IPO7: variants seen among roughly 807,000 people sequenced by gnomAD.
The protein encoded by IPO7 is importin 7.
A neutral mutation model predicts 136.4 loss-of-function variants in IPO7; 13 were observed. The observed-to-expected ratio is 0.10, with a 90% CI of 0.06 to 0.15. IPO7 has a LOEUF of 0.15. Ranked by LOEUF, IPO7 falls within the 10% of genes least tolerant of loss-of-function variation. IPO7 has a pLI of 1.00. For synonymous variants in IPO7, 403 were observed against 404.4 expected (o/e 1.00, Z 0.04); for missense variants, 857 against 1,240.6 (o/e 0.69, Z 4.65).
In IPO7 at chr11:9,387,793, T is replaced by C. The variant is rs182699481; in HGVS notation, c.84+2946T>C. ...TTGCGGTGAGCTGAGATCGTGCCAC[T>C]GCACTCCAGCCTGGGCAACAGAGTG... On this transcript the variant is annotated intron_variant, in intron 1 of 24. Coordinates refer to ENST00000379719, the MANE Select transcript of IPO7 (RefSeq NM_006391.3). 4.4e-3 allele frequency among the ~76,000 whole-genome samples: 670 copies of C among 151,536 alleles called. 7 individuals are homozygous for C. Among genetic ancestry groups the C allele is most frequent in the African/African-American group, 0.016 (641 of 41,282 alleles).
At chr11:9,420,322 G>T (rs1289993614) in intron 6 of IPO7, 89 bp from the exon 7 acceptor site, 5 of 797,164 alleles carry the variant, frequency 6.3e-6, no homozygotes, top group African/African-American at 1.8e-5. Flanking sequence ...CATTAGTGAA[G>T]CATTCACATT....
chr11:9,384,740 G>C lies in IPO7; in HGVS notation c.-24G>C. 5.1e-6 allele frequency: 8 copies of C among 1,572,112 alleles called. No homozygotes were observed. Among genetic ancestry groups the C allele is most frequent in the Non-Finnish European group, 6.9e-6 (8 of 1,157,184 alleles). On this transcript the variant is annotated 5_prime_UTR_variant, in exon 1 of 25. Transcript: ENST00000379719. ...CCTGGCCCAGTAGCACCCGAGCCCC[G>C]GGTTTGACCGAGTCCGCGCTGCGAT... is the stretch of plus-strand genomic sequence containing the variant.
At chr11:9,412,888 GA>G (rs1379724610) in intron 4 of IPO7, among the ~76,000 whole-genome samples, 1 of 141,448 alleles carries the variant, frequency 7.1e-6, no homozygotes, top group East Asian at 2.0e-4. Context: ...TTGATTGATT[GA>G]TTTTTTTTTT....
chr11:9,440,339 G>A, intron 22 of IPO7, 116 bp from the exon 23 acceptor site: 1 of 803,418 alleles, frequency 1.2e-6, no homozygotes, highest in Admixed American at 2.3e-5. Context: ...AATTCCTGGA[G>A]CTCTCTCTTG....
chr11:9,445,069 C>A (rs1190462094), intron 24 of IPO7, 28 bp from the exon 25 acceptor site: 14 of 1,351,138 alleles, frequency 1.0e-5, no homozygotes, highest in Non-Finnish European at 1.5e-5. Flanking sequence ...TGATTGAATG[C>A]CCTACTAAAA....
chr11:9,423,892 G>A lies in IPO7; in HGVS notation c.1141+16G>A, dbSNP rs758758982. 1.4e-5 allele frequency: 21 copies of A among 1,497,244 alleles called. No homozygotes were observed. Among genetic ancestry groups the A allele is most frequent in the South Asian group, 4.6e-5 (4 of 86,588 alleles). 92.7% of individuals were successfully genotyped at this position (1,497,244 alleles called of 1,614,324 possible). A position where few individuals can be genotyped will look rare whatever the true frequency, so the allele number is the denominator to read the frequency against. On this transcript the variant is annotated intron_variant, in intron 10 of 24. Coordinates refer to ENST00000379719, the MANE Select transcript of IPO7 (RefSeq NM_006391.3). ...ATGAAGTTTGGTAAGGAATTTTCAC[G>A]TTTTTAGAAACAAAAAATGTCAGTA...
chr11:9,420,622 G>C lies in IPO7; in HGVS notation c.830G>C (p.Ser277Thr). The change falls in exon 8 of 25, where the codon AGC becomes ACC. Residue 277 changes from serine to threonine, a missense_variant. By Grantham distance (58) the Ser-to-Thr change is moderately conservative. Transcript: ENST00000379719. The part of the protein sequence containing the change: ...ILARLFERYG[S>T]PGNVSKEYNE... Reference sequence around the variant, plus strand: ...TTTTGATGTTCTTTTAGATATGGAAGCCCTGGCAATGTTTCCAAGGAGTAT... The same window carrying C: ...TTTTGATGTTCTTTTAGATATGGAACCCCTGGCAATGTTTCCAAGGAGTAT... 1 of 1,611,234 alleles carries C rather than the reference G, an allele frequency of 6.2e-7. No homozygotes were observed. The highest frequency in any genetic ancestry group is 8.5e-7 in the Non-Finnish European group (1 of 1,177,578).
At chr11:9,390,633 A>T (rs1830233921) in intron 1 of IPO7, among the ~76,000 whole-genome samples, 1 of 152,214 alleles carries the variant, frequency 6.6e-6, no homozygotes, top group South Asian at 2.1e-4. Context: ...ATAGCAAGTT[A>T]TTCAATGATA....
At chr11:9,442,520 T>C (rs932457017) in intron 24 of IPO7, among the ~76,000 whole-genome samples, 4 of 152,012 alleles carry the variant, frequency 2.6e-5, no homozygotes, top group Admixed American at 1.3e-4. Context: ...TTCATGCCAT[T>C]CTCCTGCCTC....
intron 1 of IPO7, among the ~76,000 whole-genome samples, chr11:9,390,471 G>A (rs1392230985): frequency 1.3e-5 from 2 of 152,122 alleles, no homozygotes; most frequent in Non-Finnish European, 2.9e-5. Context: ...TGGCATATTT[G>A]TAAGATAATT....
At chr11:9,390,269 T>C (rs1854610445) in intron 1 of IPO7, among the ~76,000 whole-genome samples, 1 of 151,848 alleles carries the variant, frequency 6.6e-6, no homozygotes, top group South Asian at 2.1e-4. Context: ...TTTTGGTAAG[T>C]TTCTTGATAT....
chr11:9,442,206 A>C lies in IPO7; in HGVS notation c.3019+9A>C. ...AAGAAGAGCAGCCCATGGTATGTTA[A>C]TTAACTGTAACTCCTCTTTAATTAG... On this transcript the variant is annotated intron_variant, in intron 24 of 24. Coordinates refer to ENST00000379719, the MANE Select transcript of IPO7 (RefSeq NM_006391.3). The C allele has an allele frequency of 7.9e-7, 1 of 1,262,006 alleles. No individual in the cohort carries two copies. Among genetic ancestry groups the C allele is most frequent in the Non-Finnish European group, 1.2e-6 (1 of 866,220 alleles). The allele number at this position is 1,262,006 out of a possible 1,614,324, so 78.2% of individuals were successfully genotyped here.
chr11:9,401,553 CA>C (rs1854796344), intron 1 of IPO7, among the ~76,000 whole-genome samples: 1 of 70,174 alleles, frequency 1.4e-5, no homozygotes, highest in East Asian at 3.1e-4. Flanking sequence ...ACAAAGCAAA[CA>C]AAAAATTAAA....
In IPO7 at chr11:9,437,846, T is replaced by C. The variant is rs940341109; in HGVS notation, c.2361T>C (p.Ile787=). ...ELRTMCLQVA[I]AALYYNPHLL... Reference sequence around the variant, plus strand: ...GAACTATGTGTCTGCAAGTTGCAATTGCAGCTTTGTATTATAATCCACACC... The same window carrying C: ...GAACTATGTGTCTGCAAGTTGCAATCGCAGCTTTGTATTATAATCCACACC... The change falls in exon 21 of 25, where the codon ATT becomes ATC. Residue 787 remains isoleucine, a synonymous_variant. Transcript: ENST00000379719. 4 of 1,613,848 alleles carry C rather than the reference T, an allele frequency of 2.5e-6. No individual in the cohort carries two copies. The highest frequency in any genetic ancestry group is 1.6e-4 in the Middle Eastern group (1 of 6,084).
intron 6 of IPO7, among the ~76,000 whole-genome samples, chr11:9,419,725 AAAT>A (rs1855100525): frequency 6.6e-6 from 1 of 151,500 alleles, no homozygotes. Context: ...TTACCATTAC[AAAT>A]AATATGATAA....
intron 3 of IPO7, among the ~76,000 whole-genome samples, chr11:9,409,481 C>G (rs1423296961): frequency 6.6e-6 from 1 of 151,656 alleles, no homozygotes; most frequent in Admixed American, 6.6e-5. Flanking sequence ...ACTTGTGGGC[C>G]GGGCACAGTG....
chr11:9,418,689 C>T (rs1234636384), intron 6 of IPO7, among the ~76,000 whole-genome samples: 1 of 151,992 alleles, frequency 6.6e-6, no homozygotes, highest in Non-Finnish European at 1.5e-5. Context: ...ATATTGTGCA[C>T]CTTTTTGTTG....
chr11:9,402,289 A>G (rs556493329), intron 1 of IPO7, among the ~76,000 whole-genome samples: 24 of 148,880 alleles, frequency 1.6e-4, no homozygotes, highest in African/African-American at 4.7e-4. Flanking sequence ...AGTCTCAGCT[A>G]CTCAGGAGGC....
chr11:9,428,073 T>A (rs371742491), intron 12 of IPO7, among the ~76,000 whole-genome samples: 1 of 152,020 alleles, frequency 6.6e-6, no homozygotes, highest in Non-Finnish European at 1.5e-5. Context: ...TGAGCCGAAA[T>A]TGTGCCACTG....
Sources: allele counts gnomAD v4.1 joint callset (sites outside exome capture counted in the v4.1 genomes callset), GRCh38; gene constraint gnomAD v4.1.1; transcripts MANE v1.5; gene names NCBI Gene and HGNC (gene_info 2026-07-23, HGNC 2026-07-21).